Variants in GRIP2 observed in about 807,000 individuals in gnomAD.
GRIP2 encodes glutamate receptor interacting protein 2.
In GRIP2, 58 loss-of-function variants were observed where a neutral mutation model predicts 108.3. The observed-to-expected ratio is 0.54, with a 90% CI of 0.43 to 0.67. GRIP2 has a LOEUF of 0.67. Ranked by LOEUF, GRIP2 falls within the 30% of genes least tolerant of loss-of-function variation. GRIP2 has a pLI of 0.00. For synonymous variants in GRIP2, 586 were observed against 598.2 expected, an observed-to-expected ratio of 0.98 and a Z score of 0.30; for missense variants, 1,278 against 1,430.6, an observed-to-expected ratio of 0.89 and a Z score of 1.72.
chr3:14,532,208 G>T (rs1177863536), intron 1 of GRIP2, among the ~76,000 whole-genome samples: 2 of 152,246 alleles, frequency 1.3e-5, no homozygotes, highest in African/African-American at 4.8e-5. Flanking sequence ...GGCAGCGGGA[G>T]AAAAGACGGG....
rs771411879 is a variant in GRIP2 at position 14,517,908 on chromosome 3, C to A, written c.1031-11G>T. ...TCCTCTGCACTTTCACTGTAGCCAG[C>A]GGAGAAAGAGGAAAGAGAGGTGCAG... On this transcript the variant is annotated splice_polypyrimidine_tract_variant and intron_variant, in intron 9 of 23. Transcript: ENST00000621039. 4 of 1,533,944 alleles carry A rather than the reference C, an allele frequency of 2.6e-6. No homozygotes were observed. Among genetic ancestry groups the A allele is most frequent in the Middle Eastern group, 1.7e-4 (1 of 5,762 alleles).
At chr3:14,542,030 C>G (rs1195098477), upstream of GRIP2, 1 of 1,353,598 alleles carries the variant, frequency 7.4e-7, no homozygotes, top group South Asian at 1.2e-5. Flanking sequence ...TCACCCCACT[C>G]GCCTCCATTC....
intron 13 of GRIP2, among the ~76,000 whole-genome samples, 195 bp downstream of exon 13, chr3:14,513,468 CAA>C (rs1259834767): frequency 6.6e-6 from 1 of 152,234 alleles, no homozygotes; most frequent in Non-Finnish European, 1.5e-5. Context: ...TGCCCCTCTG[CAA>C]AAGTCTCCTG....
At chr3:14,525,107 G>A (rs923124649) in intron 3 of GRIP2, among the ~76,000 whole-genome samples, 4 of 152,186 alleles carry the variant, frequency 2.6e-5, no homozygotes, top group African/African-American at 7.2e-5. Context: ...AGTGTGGAGG[G>A]GTAAAGAGGA....
chr3:14,508,788 A>G (rs1263713629), intron 17 of GRIP2, among the ~76,000 whole-genome samples: 1 of 152,202 alleles, frequency 6.6e-6, no homozygotes, highest in Non-Finnish European at 1.5e-5. Flanking sequence ...AATGGTTTTT[A>G]TTTGATTACA....
Position 14,554,212 on chromosome 3 carries a change from A to G in GRIP2, c.55+1688T>C, listed in dbSNP as rs562852423. Reference sequence around the variant, plus strand: ...TGAGGTTGAGTAGCCATCCAAGGCCACACAGGGAGTAAGAGCCAGAACAAG... The same window carrying G: ...TGAGGTTGAGTAGCCATCCAAGGCCGCACAGGGAGTAAGAGCCAGAACAAG... On this transcript the variant is annotated intron_variant, in intron 1 of 23. Coordinates refer to the GRIP2 transcript ENST00000637182. Among the ~76,000 whole-genome samples the G allele has an allele frequency of 2.0e-5, 3 of 152,352 alleles. No homozygotes were observed. In the East Asian group the frequency reaches 5.8e-4, roughly 29 times the overall value.
At chr3:14,599,685 C>CTG in the GRIP2 span, among the ~76,000 whole-genome samples, 46,788 of 127,044 alleles carry the variant, frequency 0.37, 7,745 homozygotes, top group East Asian at 0.49. Context: ...CTCTCTCTCT[C>CTG]TGTGTGTGTG....
chr3:14,518,578 T>G (rs776521210), intron 9 of GRIP2, among the ~76,000 whole-genome samples: 9 of 152,124 alleles, frequency 5.9e-5, no homozygotes, highest in Non-Finnish European at 8.8e-5. Context: ...GCTTCCTCCA[T>G]CTGATCCTCC....
chr3:14,598,102 C>CACACAA, the GRIP2 span, among the ~76,000 whole-genome samples: 91 of 152,266 alleles, frequency 6.0e-4, no homozygotes, highest in African/African-American at 1.7e-3. Context: ...CTGGAAACCA[C>CACACAA]ACACAAACAC....
the GRIP2 span, among the ~76,000 whole-genome samples, chr3:14,577,960 T>G: frequency 6.6e-6 from 1 of 152,168 alleles, no homozygotes; most frequent in Non-Finnish European, 1.5e-5. Context: ...CCAGGGCCTG[T>G]GGGGTGAACA....
chr3:14,511,577 C>A lies in GRIP2; in HGVS notation c.1721-98G>T. The A allele has an allele frequency of 8.8e-7, 1 of 1,135,048 alleles. No homozygotes were observed. The highest frequency in any genetic ancestry group is 1.3e-6 in the Non-Finnish European group (1 of 770,682). The allele number at this position is 1,135,048 out of a possible 1,614,324, so 70.3% of individuals were successfully genotyped here. A position where few individuals can be genotyped will look rare whatever the true frequency, so the allele number is the denominator to read the frequency against. ...TGAGTGTGGACTCGGAGCCACTGGT[C>A]CTACTCACATCCTGGTCCCACTGCT... On this transcript the variant is annotated intron_variant, in intron 14 of 23. Coordinates refer to ENST00000621039, the MANE Select transcript of GRIP2 (RefSeq NM_001080423.4). This position sits in a 1 kb window ranked among gnomAD's most constrained non-coding sequence, Gnocchi z 4.1.
intron 1 of GRIP2, among the ~76,000 whole-genome samples, chr3:14,555,255 C>T (rs1695218006): frequency 6.6e-6 from 1 of 152,090 alleles, no homozygotes; most frequent in South Asian, 2.1e-4. Context: ...CGTACAGCCC[C>T]TCGCTCCCTC....
the GRIP2 span, among the ~76,000 whole-genome samples, chr3:14,566,894 C>A: frequency 6.6e-6 from 1 of 152,104 alleles, no homozygotes; most frequent in Non-Finnish European, 1.5e-5. Flanking sequence ...TCTCTGAGGT[C>A]CTTTCTGATT....
rs1693914216 is a variant in GRIP2 at position 14,505,933 on chromosome 3, G to C, written c.2399-144C>G. On this transcript the variant is annotated intron_variant, in intron 19 of 23. Coordinates refer to ENST00000621039, the MANE Select transcript of GRIP2 (RefSeq NM_001080423.4). The surrounding 1 kb of genome is among the most constrained non-coding windows in gnomAD (Gnocchi z 4.2). ...TCTACACAGCCCTCTGAGGGCCTCT[G>C]CCTCTCAGAATCTCCCTGGAGCTCC... The C allele has an allele frequency of 1.5e-6, 1 of 678,202 alleles. No homozygotes were observed. Among genetic ancestry groups the C allele is most frequent in the Non-Finnish European group, 2.3e-6 (1 of 433,070 alleles). 42.0% of individuals were successfully genotyped at this position (678,202 alleles called of 1,614,324 possible).
chr3:14,543,827 G>C (rs1179101079), upstream of GRIP2, among the ~76,000 whole-genome samples: 1 of 152,238 alleles, frequency 6.6e-6, no homozygotes, highest in Non-Finnish European at 1.5e-5. Context: ...ACACTTCCAT[G>C]TCCCCAGGTT....
intron 1 of GRIP2, among the ~76,000 whole-genome samples, chr3:14,526,540 G>T (rs1378888874): frequency 1.3e-5 from 2 of 152,204 alleles, no homozygotes; most frequent in African/African-American, 4.8e-5. Flanking sequence ...CCTGAGATAA[G>T]TCTGTCCTCC....
In GRIP2 at chr3:14,510,455, G is replaced by C. The variant is rs370278649; in HGVS notation, c.1934-491C>G. Among the ~76,000 whole-genome samples the C allele has an allele frequency of 2.6e-4, 39 of 151,926 alleles. No homozygotes were observed. The South Asian group carries it at 7.3e-3, about 28-fold the overall frequency. Reference sequence around the variant, plus strand: ...AATTTTTGTATTTTTTGTAGAGATGGGGTTTCGCCATGTTGCCCAGGCTGG... The same window carrying C: ...AATTTTTGTATTTTTTGTAGAGATGCGGTTTCGCCATGTTGCCCAGGCTGG... On this transcript the variant is annotated intron_variant, in intron 16 of 23. Coordinates refer to ENST00000621039, the MANE Select transcript of GRIP2 (RefSeq NM_001080423.4).
Position 14,511,114 on chromosome 3 carries a change from C to A in GRIP2, c.1933+51G>T, listed in dbSNP as rs963399040. ...CCCTGAATTGCAAGCTGGGAACCCG[C>A]TAGTCAAAGGGTGGGCCTCTGGAGG... On this transcript the variant is annotated intron_variant, in intron 16 of 23. Coordinates refer to ENST00000621039, the MANE Select transcript of GRIP2 (RefSeq NM_001080423.4). The surrounding 1 kb of genome is among the most constrained non-coding windows in gnomAD (Gnocchi z 4.1). 65 of 1,599,838 alleles carry A rather than the reference C, an allele frequency of 4.1e-5. No homozygotes were observed. Among genetic ancestry groups the A allele is most frequent in the Non-Finnish European group, 5.4e-5 (63 of 1,171,768 alleles).
chr3:14,512,784 G>A lies in GRIP2; in HGVS notation c.1713C>T (p.Thr571=). 2 of 1,613,400 alleles carry A rather than the reference G, an allele frequency of 1.2e-6. No homozygotes were observed. Among genetic ancestry groups the A allele is most frequent in the South Asian group, 1.1e-5 (1 of 91,070 alleles). ...PKKRSVELGI[T]ISSASRKRGE... is the part of the protein sequence containing the mutation. ...CAGCGGGAGGAGACTCACAGCTGAT[G>A]GTGATGCCCAGCTCCACGCTGCGCT... Residue 571 remains threonine, a synonymous_variant, in exon 14 of 24, where the codon ACC becomes ACT. Coordinates refer to ENST00000621039, the MANE Select transcript of GRIP2 (RefSeq NM_001080423.4). This position sits in a 1 kb window ranked among gnomAD's most constrained non-coding sequence, Gnocchi z 5.1.
Sources: gnomAD v4.1 joint callset for allele counts (sites outside exome capture counted in the v4.1 genomes callset) on GRCh38, gnomAD v4.1.1 for gene constraint, Gnocchi (gnomAD v3.1) non-coding constraint, MANE v1.5 for transcripts, NCBI Gene and HGNC (gene_info 2026-07-23, HGNC 2026-07-21) for gene names.